The following GRAMD1B variants were observed in gnomAD, a reference collection of about 807,000 sequenced individuals.
GRAMD1B encodes the protein protein Aster-B.
GRAMD1B carries 37 observed loss-of-function variants against 99.7 expected under a neutral mutation model. The observed-to-expected ratio is 0.37, with a 90% confidence interval of 0.29 to 0.49. The LOEUF (loss-of-function observed/expected upper bound fraction) is 0.49. Ranked by LOEUF, GRAMD1B falls within the 20% of genes least tolerant of loss-of-function variation. GRAMD1B has a pLI of 0.98. For missense variants in GRAMD1B, 888 were observed against 1,009.2 expected (o/e 0.88, Z 1.63); for synonymous variants, 427 against 387.6 (o/e 1.10, Z -1.19).
intron 2 of GRAMD1B, among the ~76,000 whole-genome samples, chr11:123,565,320 T>A (rs553940516): frequency 6.6e-6 from 1 of 152,044 alleles, no homozygotes; most frequent in East Asian, 1.9e-4. Context: ...ATTACAGGCA[T>A]GAGCCACTGC....
chr11:123,408,272 T>C (rs150005092), intron 1 of GRAMD1B, among the ~76,000 whole-genome samples: 12 of 152,260 alleles, frequency 7.9e-5, no homozygotes, highest in Non-Finnish European at 1.3e-4. Context: ...TGAAGTGAAA[T>C]GGAAAGGAAT....
At chr11:123,437,068 A>G (rs931585124) in intron 1 of GRAMD1B, among the ~76,000 whole-genome samples, 7 of 152,162 alleles carry the variant, frequency 4.6e-5, no homozygotes, top group Non-Finnish European at 5.9e-5. Flanking sequence ...CCGTGTCCCT[A>G]CAAAGGACAT....
intron 1 of GRAMD1B, among the ~76,000 whole-genome samples, chr11:123,368,421 C>G (rs569091318): frequency 6.6e-6 from 1 of 151,874 alleles, no homozygotes; most frequent in East Asian, 1.9e-4. Flanking sequence ...TGGTTCACAG[C>G]TGTAATCCCA....
intron 2 of GRAMD1B, among the ~76,000 whole-genome samples, chr11:123,494,744 A>G (rs1029501814): frequency 6.6e-6 from 1 of 152,064 alleles, no homozygotes; most frequent in African/African-American, 2.4e-5. Context: ...GGTAATTTTT[A>G]TTCCCCAGCT....
chr11:123,413,255 G>T (rs1948115017), intron 1 of GRAMD1B, among the ~76,000 whole-genome samples: 2 of 152,118 alleles, frequency 1.3e-5, no homozygotes, highest in Admixed American at 1.3e-4. Context: ...AACCAACAAT[G>T]AAATTTCCAC....
intron 1 of GRAMD1B, among the ~76,000 whole-genome samples, chr11:123,364,898 A>C (rs977624773): frequency 3.9e-5 from 6 of 152,190 alleles, no homozygotes; most frequent in Non-Finnish European, 8.8e-5. Context: ...GAGAATTTAT[A>C]CAAAGTCTTT....
intron 2 of GRAMD1B, among the ~76,000 whole-genome samples, chr11:123,520,607 CAA>C (rs768346454): frequency 6.6e-6 from 1 of 151,088 alleles, no homozygotes; most frequent in Non-Finnish European, 1.5e-5. Flanking sequence ...CCCATCTCTA[CAA>C]AAAATAAAAA....
chr11:123,366,544 C>T (rs17738808), intron 1 of GRAMD1B, among the ~76,000 whole-genome samples: 10,218 of 152,264 alleles, frequency 0.067, 492 homozygotes, highest in Non-Finnish European at 0.11. Flanking sequence ...CTTTGGGCTA[C>T]GTTGTATAAC....
At chr11:123,367,432 AAG>A (rs1196676067) in intron 1 of GRAMD1B, among the ~76,000 whole-genome samples, 8 of 152,202 alleles carry the variant, frequency 5.3e-5, no homozygotes, top group Admixed American at 5.2e-4. Flanking sequence ...GCTTTTTCAG[AAG>A]AGGTTATATT....
intron 4 of GRAMD1B, among the ~76,000 whole-genome samples, chr11:123,592,071 T>C (rs556998899): frequency 6.6e-6 from 1 of 152,216 alleles, no homozygotes; most frequent in African/African-American, 2.4e-5. Context: ...ATAGGAAGAC[T>C]TGGGGCTTCA....
At chr11:123,531,728 TG>T (rs1214618941) in intron 2 of GRAMD1B, among the ~76,000 whole-genome samples, 2 of 126,720 alleles carry the variant, frequency 1.6e-5, no homozygotes, top group Admixed American at 9.5e-5. Context: ...TATTGCTAGA[TG>T]GTTTTTTTTT....
intron 2 of GRAMD1B, among the ~76,000 whole-genome samples, chr11:123,546,332 C>T (rs956041631): frequency 6.6e-6 from 1 of 152,192 alleles, no homozygotes; most frequent in East Asian, 1.9e-4. Context: ...CGGTTCAGCA[C>T]GCATCCAAGC....
intron 10 of GRAMD1B, 64 bp downstream of exon 10, chr11:123,605,542 C>A: frequency 1.5e-6 from 2 of 1,299,724 alleles, no homozygotes; most frequent in South Asian, 1.5e-5. Flanking sequence ...TAGCATAGTT[C>A]ACTGGGAACC....
At chr11:123,405,989 G>A (rs907943282) in intron 1 of GRAMD1B, among the ~76,000 whole-genome samples, 6 of 151,220 alleles carry the variant, frequency 4.0e-5, no homozygotes, top group African/African-American at 1.2e-4. Context: ...CTTATTGTGG[G>A]TCACAGTCAA....
At chr11:123,523,724 C>T (rs111321601) in intron 2 of GRAMD1B, among the ~76,000 whole-genome samples, 4 of 152,338 alleles carry the variant, frequency 2.6e-5, no homozygotes, top group South Asian at 4.1e-4. Flanking sequence ...ACATTTGCCT[C>T]GGGGCTGGAT....
At chr11:123,570,733 C>G (rs1402220708) in intron 2 of GRAMD1B, among the ~76,000 whole-genome samples, 1 of 152,182 alleles carries the variant, frequency 6.6e-6, no homozygotes, top group Non-Finnish European at 1.5e-5. Flanking sequence ...CAAGAGCCTT[C>G]TTAATAATAC....
intron 3 of GRAMD1B, among the ~76,000 whole-genome samples, chr11:123,579,254 G>A (rs1179310120): frequency 6.6e-6 from 1 of 152,206 alleles, no homozygotes; most frequent in African/African-American, 2.4e-5. Context: ...GGGGCAAGGA[G>A]GTGGGATGCA....
chr11:123,366,689 G>T (rs555556377), intron 1 of GRAMD1B, among the ~76,000 whole-genome samples: 1 of 152,310 alleles, frequency 6.6e-6, no homozygotes, highest in East Asian at 1.9e-4. Flanking sequence ...TTATTCCTCT[G>T]TGGGCAATGG....
chr11:123,608,684 C>A lies in GRAMD1B; in HGVS notation c.1539C>A (p.Asp513Glu). 2 of 1,572,808 alleles carry A rather than the reference C, an allele frequency of 1.3e-6. No homozygotes were observed. Among genetic ancestry groups the A allele is most frequent in the Non-Finnish European group, 1.7e-6 (2 of 1,157,888 alleles). ...GAGAGGTCCAGGCCTTCTATGAGGA[C>A]CTGAGTGGCCGGCAGTACGTGAATG... The part of the protein sequence containing the change: ...DEGEVQAFYE[D>E]LSGRQYVNEV... The change falls in exon 12 of 20, where the codon GAC becomes GAA. Residue 513 changes from aspartate (D) to glutamate (E), a missense_variant. This residue lies in a region of GRAMD1B where 269 missense variants were observed against 296.6 expected (regional missense o/e 0.91). Transcript: ENST00000635736.
Sources: gnomAD v4.1 joint callset for allele counts (sites outside exome capture counted in the v4.1 genomes callset) on GRCh38, gnomAD v4.1.1 for gene constraint, gnomAD v4.1.1 regional missense constraint, MANE v1.5 for transcripts, NCBI Gene and HGNC (gene_info 2026-07-23, HGNC 2026-07-21) for gene names.